ITFG1: variants seen among roughly 807,000 people sequenced by gnomAD.
The protein encoded by ITFG1 is integrin alpha FG-GAP repeat containing 1, also known as T-cell immunomodulatory protein.
Under a neutral mutation model 81.8 loss-of-function variants are expected in ITFG1, and 34 were observed. The ratio of observed to expected loss-of-function variants is 0.42; its 90% CI spans 0.32 to 0.55. The LOEUF (loss-of-function observed/expected upper bound fraction) is 0.55, where lower values mean the gene tolerates loss of function less well. Among genes scored for constraint, ITFG1 ranks in the 20% least tolerant of loss-of-function variants. The pLI, the probability that ITFG1 is intolerant of heterozygous loss-of-function variation, is 0.17. For missense variants in ITFG1, 672 were observed against 755.4 expected, an observed-to-expected ratio of 0.89 and a Z score of 1.29; for synonymous variants, 285 against 270.6, an observed-to-expected ratio of 1.05 and a Z score of -0.52.
intron 14 of ITFG1, 42 bp downstream of exon 14, chr16:47,218,826 G>T: frequency 8.1e-7 from 1 of 1,232,312 alleles, no homozygotes; most frequent in Non-Finnish European, 1.1e-6. Context: ...TATATTGACT[G>T]AAGAAGCTTT....
At chr16:47,461,169 T>C (rs538022040), upstream of ITFG1, 2,009 of 1,042,620 alleles carry the variant, frequency 1.9e-3, 23 homozygotes, top group African/African-American at 0.029. Context: ...TGCCGGCTCC[T>C]TTTTCTCTCT....
intron 8 of ITFG1, among the ~76,000 whole-genome samples, chr16:47,348,403 C>T (rs1009830257): frequency 7.2e-5 from 11 of 152,218 alleles, no homozygotes; most frequent in African/African-American, 2.4e-4. Flanking sequence ...ACAAGAACTA[C>T]GTGACAAATG....
intron 12 of ITFG1, among the ~76,000 whole-genome samples, chr16:47,250,937 G>A (rs867284515): frequency 6.6e-6 from 1 of 152,198 alleles, no homozygotes; most frequent in African/African-American, 2.4e-5. Flanking sequence ...AAACAGGTTC[G>A]AGGCTTGTGA....
At chr16:47,239,680 C>T (rs1295433061) in intron 12 of ITFG1, among the ~76,000 whole-genome samples, 2 of 152,102 alleles carry the variant, frequency 1.3e-5, no homozygotes, top group African/African-American at 4.8e-5. Flanking sequence ...TTTACACTTG[C>T]AAGCAGTTTT....
At chr16:47,401,752 C>T (rs1968664263) in intron 6 of ITFG1, among the ~76,000 whole-genome samples, 1 of 152,038 alleles carries the variant, frequency 6.6e-6, no homozygotes, top group Non-Finnish European at 1.5e-5. Context: ...ATAACAGATT[C>T]ATTAAAAAAA....
chr16:47,250,863 T>C (rs1596835936), intron 12 of ITFG1, among the ~76,000 whole-genome samples: 1 of 152,282 alleles, frequency 6.6e-6, no homozygotes, highest in South Asian at 2.1e-4. Context: ...AGCTCAGAGC[T>C]GCGGCAGCTG....
intron 14 of ITFG1, among the ~76,000 whole-genome samples, chr16:47,165,412 T>G (rs1181119204): frequency 1.5e-4 from 23 of 152,266 alleles, no homozygotes; most frequent in Admixed American, 1.4e-3. Flanking sequence ...GAAAACAGTA[T>G]AGTGAACAGC....
At chr16:47,372,932 C>T (rs1471096083) in intron 7 of ITFG1, among the ~76,000 whole-genome samples, 2 of 152,184 alleles carry the variant, frequency 1.3e-5, no homozygotes, top group African/African-American at 2.4e-5. Flanking sequence ...AATCTCCCTA[C>T]GTCCAGATGT....
At chr16:47,332,653 T>G (rs946700596) in intron 8 of ITFG1, among the ~76,000 whole-genome samples, 1 of 152,152 alleles carries the variant, frequency 6.6e-6, no homozygotes, top group Non-Finnish European at 1.5e-5. Flanking sequence ...TCTCCATCAT[T>G]TTATAGATGA....
Position 47,165,286 on chromosome 16 carries a change from A to G in ITFG1, c.1454-2622T>C, listed in dbSNP as rs147251957. On this transcript the variant is annotated intron_variant, in intron 14 of 17. Coordinates refer to ENST00000320640, the MANE Select transcript of ITFG1 (RefSeq NM_030790.5). ...CACTAATGTTATCCAAAAATATGCA[A>G]TCACTGGAAAGTATATTTACCTGAT... Among the ~76,000 whole-genome samples, 5 of 152,358 alleles carry G rather than the reference A, an allele frequency of 3.3e-5. No individual in the cohort carries two copies. The East Asian group carries it at 9.6e-4, about 29-fold the overall frequency.
At chr16:47,351,562 G>A (rs974193625) in intron 8 of ITFG1, among the ~76,000 whole-genome samples, 3 of 152,094 alleles carry the variant, frequency 2.0e-5, no homozygotes, top group African/African-American at 7.2e-5. Flanking sequence ...AAATAAAAGA[G>A]GACACAAACA....
At chr16:47,259,937 ATT>A (rs561470789) in intron 11 of ITFG1, among the ~76,000 whole-genome samples, 31 of 140,150 alleles carry the variant, frequency 2.2e-4, no homozygotes, top group Admixed American at 3.6e-4. Flanking sequence ...TTGGCTGTAA[ATT>A]TTTTTTTTTT....
intron 14 of ITFG1, among the ~76,000 whole-genome samples, chr16:47,169,445 C>T (rs1964932921): frequency 6.6e-6 from 1 of 151,730 alleles, no homozygotes; most frequent in Admixed American, 6.6e-5. Flanking sequence ...TTTTACTCTT[C>T]TAAATGTTGC....
chr16:47,292,101 C>T (rs1332436983), intron 10 of ITFG1, among the ~76,000 whole-genome samples: 1 of 151,912 alleles, frequency 6.6e-6, no homozygotes, highest in Non-Finnish European at 1.5e-5. Context: ...GCAACCTCCA[C>T]CTTCTGGTTT....
chr16:47,314,889 A>T (rs1362894840), intron 8 of ITFG1, among the ~76,000 whole-genome samples: 1 of 152,172 alleles, frequency 6.6e-6, no homozygotes, highest in Non-Finnish European at 1.5e-5. Context: ...TTAGTGAAGC[A>T]TACTTACGTA....
At chr16:47,335,567 A>T (rs1967693864) in intron 8 of ITFG1, among the ~76,000 whole-genome samples, 1 of 152,198 alleles carries the variant, frequency 6.6e-6, no homozygotes, top group Non-Finnish European at 1.5e-5. Context: ...TGGACAAAGA[A>T]TTGGAATAGA....
At chr16:47,320,510 T>C (rs1313510957) in intron 8 of ITFG1, among the ~76,000 whole-genome samples, 3 of 152,240 alleles carry the variant, frequency 2.0e-5, no homozygotes, top group Non-Finnish European at 4.4e-5. Flanking sequence ...TTTTTACAGA[T>C]GGATATCTGG....
At chr16:47,326,091 C>T (rs1477388351) in intron 8 of ITFG1, among the ~76,000 whole-genome samples, 1 of 152,172 alleles carries the variant, frequency 6.6e-6, no homozygotes, top group Admixed American at 6.5e-5. Context: ...TACTGGCAAA[C>T]CGAATCCAGC....
intron 14 of ITFG1, among the ~76,000 whole-genome samples, chr16:47,197,050 GA>G (rs1468692482): frequency 2.0e-5 from 3 of 152,194 alleles, no homozygotes; most frequent in Admixed American, 2.0e-4. Context: ...TCACATGACA[GA>G]TAGCAGGCCC....
Sources: allele counts gnomAD v4.1 joint callset (sites outside exome capture counted in the v4.1 genomes callset), GRCh38; gene constraint gnomAD v4.1.1; transcripts MANE v1.5; gene names NCBI Gene and HGNC (gene_info 2026-07-23, HGNC 2026-07-21).